The following PICALM variants were observed in gnomAD, a reference collection of about 807,000 sequenced individuals.
The protein encoded by PICALM is phosphatidylinositol-binding clathrin assembly protein.
PICALM carries 40 observed loss-of-function variants against 80.5 expected under a neutral mutation model. That is an observed-to-expected ratio of 0.50 (90% CI 0.39 to 0.65). The LOEUF (loss-of-function observed/expected upper bound fraction) is 0.65. PICALM is among the 30% of genes least tolerant of loss of function. The pLI is 0.00. For missense variants in PICALM, 676 were observed against 778.9 expected (o/e 0.87, Z 1.57); for synonymous variants, 288 against 260.3 (o/e 1.11, Z -1.02).
At chr11:85,973,282 C>A (rs1305436574) in intron 19 of PICALM, among the ~76,000 whole-genome samples, 1 of 152,104 alleles carries the variant, frequency 6.6e-6, no homozygotes, top group Non-Finnish European at 1.5e-5. Context: ...TTCAAAACGG[C>A]TGAGAAATGA....
intron 1 of PICALM, among the ~76,000 whole-genome samples, chr11:86,045,966 T>C (rs1411536383): frequency 6.6e-6 from 1 of 152,198 alleles, no homozygotes; most frequent in Non-Finnish European, 1.5e-5. Flanking sequence ...CACTGGAGAA[T>C]GTTAACTAGT....
chr11:86,040,564 G>C (rs2095943694), intron 1 of PICALM, among the ~76,000 whole-genome samples: 1 of 152,116 alleles, frequency 6.6e-6, no homozygotes, highest in African/African-American at 2.4e-5. Flanking sequence ...AATATTATGA[G>C]GCTGACTGCT....
rs2093566609 is a variant in PICALM, at chr11:85,957,543, T to C, written c.*1503A>G. On this transcript the variant is annotated 3_prime_UTR_variant, in exon 20 of 20. Transcript: ENST00000393346. Reference sequence around the variant, plus strand: ...AAAGAGACATCTTTTTGAAAATTCATATAAAACAAACCTTCCATGTTATTA... The same window carrying C: ...AAAGAGACATCTTTTTGAAAATTCACATAAAACAAACCTTCCATGTTATTA... 1 of 185,360 alleles carries C rather than the reference T, an allele frequency of 5.4e-6. No homozygotes were observed. Among genetic ancestry groups the C allele is most frequent in the Admixed American group, 6.2e-5 (1 of 16,040 alleles). 11.5% of individuals were successfully genotyped at this position (185,360 alleles called of 1,614,324 possible).
intron 19 of PICALM, chr11:85,969,548 A>T (rs2094028692): frequency 3.9e-6 from 1 of 254,534 alleles, no homozygotes; most frequent in African/African-American, 2.3e-5. Context: ...AACAATTAAA[A>T]GGTAATTCAT....
At chr11:85,998,717 G>A (rs1202967678) in intron 11 of PICALM, among the ~76,000 whole-genome samples, 1 of 152,168 alleles carries the variant, frequency 6.6e-6, no homozygotes, top group African/African-American at 2.4e-5. Flanking sequence ...GGTTGAGGCT[G>A]CAGTGAGCCA....
upstream of PICALM, chr11:86,069,741 C>T (rs544334134): frequency 6.6e-6 from 1 of 152,358 alleles, no homozygotes; most frequent in South Asian, 2.1e-4. Context: ...TTTTTCCCCC[C>T]TTTCCTTGAG....
intron 1 of PICALM, among the ~76,000 whole-genome samples, chr11:86,049,135 A>G (rs2096131215): frequency 3.3e-5 from 5 of 152,158 alleles, no homozygotes; most frequent in Admixed American, 3.3e-4. Flanking sequence ...TCTACTAAAA[A>G]TACAAAAATT....
chr11:85,995,360 G>C (rs1447604381), intron 12 of PICALM, among the ~76,000 whole-genome samples: 1 of 152,162 alleles, frequency 6.6e-6, no homozygotes, highest in Admixed American at 6.5e-5. Context: ...CTGTCACATA[G>C]AGACTTTGAT....
At chr11:86,055,850 C>T (rs972361351) in intron 1 of PICALM, among the ~76,000 whole-genome samples, 1 of 151,982 alleles carries the variant, frequency 6.6e-6, no homozygotes, top group African/African-American at 2.4e-5. Flanking sequence ...AAATCAGAGG[C>T]TGGGTGAGAG....
At chr11:86,047,217 C>T (rs1335740678) in intron 1 of PICALM, among the ~76,000 whole-genome samples, 2 of 152,224 alleles carry the variant, frequency 1.3e-5, no homozygotes, top group African/African-American at 2.4e-5. Flanking sequence ...TCTCTAATTA[C>T]TCTAAACTGC....
chr11:86,021,852 A>C (rs1481859513), intron 4 of PICALM, among the ~76,000 whole-genome samples: 1 of 152,202 alleles, frequency 6.6e-6, no homozygotes, highest in Non-Finnish European at 1.5e-5. Context: ...TGGCTAGAAA[A>C]AGGAATAAAA....
intron 19 of PICALM, among the ~76,000 whole-genome samples, chr11:85,963,042 G>A (rs1018898060): frequency 1.3e-5 from 2 of 152,168 alleles, no homozygotes; most frequent in Admixed American, 6.5e-5. Context: ...GTTCTTGGTA[G>A]GTGAGAAGTA....
At chr11:85,968,313 A>AACAG (rs2093978126) in intron 19 of PICALM, among the ~76,000 whole-genome samples, 7 of 85,036 alleles carry the variant, frequency 8.2e-5, no homozygotes. Flanking sequence ...CAAACAAACA[A>AACAG]AAACAACAAA....
intron 12 of PICALM, 90 bp downstream of exon 12, chr11:85,996,736 A>T: frequency 1.3e-6 from 1 of 770,046 alleles, no homozygotes; most frequent in Non-Finnish European, 2.3e-6. Flanking sequence ...TCATGTATCA[A>T]GTGTAATAAA....
chr11:86,006,852 A>C (rs1463289784), intron 8 of PICALM, among the ~76,000 whole-genome samples: 2 of 152,198 alleles, frequency 1.3e-5, no homozygotes, highest in African/African-American at 4.8e-5. Flanking sequence ...TTTGATGATG[A>C]TGATGATAAA....
chr11:86,050,892 T>C (rs1234308907), intron 1 of PICALM, among the ~76,000 whole-genome samples: 1 of 152,190 alleles, frequency 6.6e-6, no homozygotes, highest in Non-Finnish European at 1.5e-5. Flanking sequence ...CTCGCTATGT[T>C]GTACAAGGTG....
intron 2 of PICALM, among the ~76,000 whole-genome samples, chr11:86,027,411 G>A (rs892463555): frequency 1.3e-5 from 2 of 151,702 alleles, no homozygotes; most frequent in Admixed American, 1.3e-4. Flanking sequence ...CGCTTCTTAG[G>A]ATTACTTTAC....
chr11:85,984,017 C>T (rs1565287078), intron 13 of PICALM, 44 bp from the exon 14 acceptor site: 5 of 840,724 alleles, frequency 5.9e-6, no homozygotes, highest in Non-Finnish European at 1.0e-5. Flanking sequence ...TTTAATAACT[C>T]TACATTTACG....
intron 1 of PICALM, among the ~76,000 whole-genome samples, chr11:86,040,230 A>C (rs549902568): frequency 6.0e-4 from 91 of 152,294 alleles, no homozygotes; most frequent in African/African-American, 2.1e-3. Context: ...ATGACCAAAA[A>C]AACACAAAAT....
Sources: gnomAD v4.1 joint callset for allele counts (sites outside exome capture counted in the v4.1 genomes callset) on GRCh38, gnomAD v4.1.1 for gene constraint, MANE v1.5 for transcripts, NCBI Gene and HGNC (gene_info 2026-07-23, HGNC 2026-07-21) for gene names.